Variants in CDH10 observed in about 807,000 individuals in gnomAD.
CDH10 encodes the protein cadherin-10.
Under a neutral mutation model 73.1 loss-of-function variants are expected in CDH10, and 30 were observed. That is an observed-to-expected ratio of 0.41 (90% CI 0.31 to 0.56). The LOEUF (loss-of-function observed/expected upper bound fraction) is 0.56, where lower values mean the gene tolerates loss of function less well. Ranked by LOEUF, CDH10 falls within the 20% of genes least tolerant of loss-of-function variation. The pLI, the probability that CDH10 is intolerant of heterozygous loss-of-function variation, is 0.27. For missense variants in CDH10, 815 were observed against 973.7 expected (o/e 0.84, Z 2.17); for synonymous variants, 345 against 348.2 (o/e 0.99, Z 0.10).
intron 2 of CDH10, among the ~76,000 whole-genome samples, chr5:24,571,561 T>A (rs555686612): frequency 1.3e-5 from 2 of 152,240 alleles, no homozygotes; most frequent in East Asian, 3.9e-4. Flanking sequence ...CCATGAGAGC[T>A]AAATTTAAGA....
intron 1 of CDH10, among the ~76,000 whole-genome samples, chr5:24,613,943 A>C (rs1435279487): frequency 6.6e-6 from 1 of 152,184 alleles, no homozygotes; most frequent in Non-Finnish European, 1.5e-5. Context: ...GACAAATTCG[A>C]CTTTGCATCT....
chr5:24,572,038 A>T (rs1348274401), intron 2 of CDH10, among the ~76,000 whole-genome samples: 1 of 152,112 alleles, frequency 6.6e-6, no homozygotes, highest in African/African-American at 2.4e-5. Context: ...TTTAAAATCC[A>T]CGTTTTTACT....
intron 8 of CDH10, among the ~76,000 whole-genome samples, chr5:24,501,031 A>C (rs951884503): frequency 6.6e-6 from 1 of 152,174 alleles, no homozygotes; most frequent in South Asian, 2.1e-4. Flanking sequence ...ACCTTTTGCT[A>C]TCTACTTGTT....
chr5:24,644,164 T>A (rs542219578), intron 1 of CDH10, among the ~76,000 whole-genome samples: 23 of 152,142 alleles, frequency 1.5e-4, no homozygotes, highest in Non-Finnish European at 3.2e-4. Flanking sequence ...GCAGAGTGAA[T>A]CCATTCATAT....
At chr5:24,607,535 A>G (rs1746800026) in intron 1 of CDH10, among the ~76,000 whole-genome samples, 1 of 152,190 alleles carries the variant, frequency 6.6e-6, no homozygotes. Flanking sequence ...TATTTTTATG[A>G]CTTATACGCT....
chr5:24,491,645 G>T lies in CDH10; in HGVS notation c.1807C>A (p.Leu603Met). 6.2e-7 allele frequency: 1 copy of T among 1,613,628 alleles called. No homozygotes were observed. The highest frequency in any genetic ancestry group is 2.2e-5 in the East Asian group (1 of 44,826). ...GTGCTGAGGCCGGCAGGGAGGAGCA[G>T]GGCTTCAGCACTGCAGGATTGCATG... The part of the protein sequence containing the change: ...GNMQSCSAEA[L>M]LLPAGLSTGA... Residue 603 changes from leucine to methionine, a missense_variant, in exon 11 of 12, where the codon CTG becomes ATG. Physicochemically the swap from Leu to Met is conservative, Grantham distance 15. Around this residue, in one of 3 missense-constraint regions of CDH10, gnomAD observed 241 missense variants for 240.3 expected, o/e 1.00. Coordinates refer to ENST00000264463, the MANE Select transcript of CDH10 (RefSeq NM_006727.5).
chr5:24,535,101 AG>A lies in CDH10; in HGVS notation c.814+10del. The A allele has an allele frequency of 6.3e-7, 1 of 1,585,476 alleles. No individual in the cohort carries two copies. The highest frequency in any genetic ancestry group is 1.7e-4 in the Middle Eastern group (1 of 5,958). Reference sequence around the variant, plus strand: ...TTTTGCCCGGCAGAATGACCATTAAAGGGTGCTTACTCTGGGGGAAACGTGG... The same window carrying A: ...TTTTGCCCGGCAGAATGACCATTAAAGGTGCTTACTCTGGGGGAAACGTGG... On this transcript the variant is annotated intron_variant, in intron 5 of 11. Transcript: ENST00000264463.
At chr5:24,644,104 G>C (rs1412635097) in intron 1 of CDH10, among the ~76,000 whole-genome samples, 3 of 152,112 alleles carry the variant, frequency 2.0e-5, no homozygotes, top group Non-Finnish European at 4.4e-5. Context: ...TCTTCTGCCT[G>C]TCATTTCTGT....
At chr5:24,608,932 ATTAAC>A (rs1399460003) in intron 1 of CDH10, among the ~76,000 whole-genome samples, 1 of 152,212 alleles carries the variant, frequency 6.6e-6, no homozygotes, top group African/African-American at 2.4e-5. Flanking sequence ...CTGCACCCCA[ATTAAC>A]TTAACATTAT....
chr5:24,513,445 C>T (rs1742994002), intron 5 of CDH10, among the ~76,000 whole-genome samples: 1 of 152,098 alleles, frequency 6.6e-6, no homozygotes, highest in Admixed American at 6.5e-5. Context: ...TTGGGCTATG[C>T]CAAGCCAAGG....
chr5:24,529,990 C>T (rs755545323), intron 5 of CDH10, among the ~76,000 whole-genome samples: 11 of 150,148 alleles, frequency 7.3e-5, no homozygotes, highest in Admixed American at 1.3e-4. Context: ...AAAGCACCTA[C>T]CTGTGAATAA....
intron 2 of CDH10, among the ~76,000 whole-genome samples, chr5:24,563,756 G>A (rs1745054176): frequency 1.5e-5 from 2 of 133,448 alleles, no homozygotes; most frequent in South Asian, 4.9e-4. Flanking sequence ...GCGACAGAGC[G>A]AGACTCCGCC....
chr5:24,492,229 C>A (rs757122510), intron 10 of CDH10, among the ~76,000 whole-genome samples: 2 of 152,182 alleles, frequency 1.3e-5, no homozygotes, highest in African/African-American at 4.8e-5. Flanking sequence ...TACACACATA[C>A]AGAACACACA....
Position 24,626,890 on chromosome 5 carries a change from G to GTATATATAAGTGTA in CDH10, c.-124+17703_-124+17704insTACACTTATATATA, listed in dbSNP as rs1346887358. On this transcript the variant is annotated intron_variant, in intron 1 of 11. Transcript: ENST00000264463. Reference sequence around the variant, plus strand: ...TGTATATATAAGTGTATATATATGTGTATATATGTGTATATATAAGTGTAT... The same window carrying GTATATATAAGTGTA: ...TGTATATATAAGTGTATATATATGTGTATATATAAGTGTATATATATGTGTATATATAAGTGTAT... 5.6e-3 allele frequency among the ~76,000 whole-genome samples: 195 copies of GTATATATAAGTGTA among 34,852 alleles called. 1 individual carries two copies. The highest frequency in any genetic ancestry group is 0.028 in the Non-Finnish European group (155 of 5,476). 22.9% of individuals were successfully genotyped at this position (34,852 alleles called of 152,430 possible).
At position 24,488,087 on chromosome 5, in the gene CDH10, T is replaced by C. The variant is rs1460396142; in HGVS notation, c.1943A>G (p.Glu648Gly). ...GCTCACAATGTTGTCTCTGATATCT[T>C]CTTTTGACAAGATCAGAGGCTCTTT... ...RKKEPLILSK[E>G]DIRDNIVSYN... Residue 648 changes from glutamate (E) to glycine (G), a missense_variant, in exon 12 of 12, where the codon GAA becomes GGA. Around this residue, in one of 3 missense-constraint regions of CDH10, gnomAD observed 241 missense variants for 240.3 expected, o/e 1.00. Transcript: ENST00000264463. The C allele has an allele frequency of 3.1e-6, 5 of 1,613,908 alleles. No individual in the cohort carries two copies. The highest frequency in any genetic ancestry group is 4.2e-6 in the Non-Finnish European group (5 of 1,179,838).
chr5:24,544,880 G>A (rs1485419405), intron 2 of CDH10, among the ~76,000 whole-genome samples: 1 of 152,106 alleles, frequency 6.6e-6, no homozygotes, highest in Non-Finnish European at 1.5e-5. Flanking sequence ...AAGATATTAA[G>A]ATTACACTAA....
chr5:24,504,513 T>TC (rs1742615997), intron 8 of CDH10, among the ~76,000 whole-genome samples: 1 of 23,120 alleles, frequency 4.3e-5, no homozygotes, highest in African/African-American at 1.4e-4. Context: ...AATCTTTTTT[T>TC]TTTTTTTTTT....
chr5:24,553,344 G>A (rs529464745), intron 2 of CDH10, among the ~76,000 whole-genome samples: 51 of 152,108 alleles, frequency 3.4e-4, no homozygotes, highest in Non-Finnish European at 5.0e-4. Context: ...GTCTGCAGTC[G>A]CATGCCATTC....
At chr5:24,517,044 T>C (rs1035292009) in intron 5 of CDH10, among the ~76,000 whole-genome samples, 9 of 152,124 alleles carry the variant, frequency 5.9e-5, no homozygotes, top group African/African-American at 1.9e-4. Context: ...TTGACTTTCA[T>C]TTTAGAAATC....
Sources: gnomAD v4.1 joint callset for allele counts (sites outside exome capture counted in the v4.1 genomes callset) on GRCh38, gnomAD v4.1.1 for gene constraint, gnomAD v4.1.1 regional missense constraint, MANE v1.5 for transcripts, NCBI Gene and HGNC (gene_info 2026-07-23, HGNC 2026-07-21) for gene names.